WDR49: variants seen among roughly 807,000 people sequenced by gnomAD.
WDR49 encodes WD repeat domain 49.
A neutral mutation model predicts 119.5 loss-of-function variants in WDR49; 107 were observed. That is an observed-to-expected ratio of 0.90 (90% CI 0.77 to 1.05). The LOEUF (loss-of-function observed/expected upper bound fraction) is 1.05. Ranked by LOEUF, WDR49 falls within the 50% of genes least tolerant of loss-of-function variation. WDR49 has a pLI of 0.00. For synonymous variants in WDR49, 425 were observed against 418.8 expected (o/e 1.01, Z -0.18); for missense variants, 1,240 against 1,220.5 (o/e 1.02, Z -0.24).
At chr3:167,600,651 T>C (rs1715725860) in intron 7 of WDR49, among the ~76,000 whole-genome samples, 1 of 152,194 alleles carries the variant, frequency 6.6e-6, no homozygotes, top group African/African-American at 2.4e-5. Context: ...CAGTACAGTA[T>C]GATACCTGCT....
chr3:167,536,926 T>C lies in WDR49; in HGVS notation c.1898A>G (p.Gln633Arg). The stretch of plus-strand genomic sequence containing the variant: ...AGCACACAAGATGTCATCATGGTGC[T>C]GTATACCTCCTTTCCATTCTTCAGG... ...IQPEEWKGGI[Q>R]HHDDILCAAF... is the part of the protein sequence containing the mutation. Residue 633 changes from glutamine to arginine, a missense_variant, in exon 11 of 19, where the codon CAG (glutamine) becomes CGG (arginine). Gln to Arg is a conservative substitution (Grantham distance 43). Coordinates refer to ENST00000682715, the MANE Select transcript of WDR49 (RefSeq NM_001366157.1). 1 of 1,578,358 alleles carries C rather than the reference T, an allele frequency of 6.3e-7. No homozygotes were observed.
intron 9 of WDR49, among the ~76,000 whole-genome samples, chr3:167,557,129 A>G (rs1257300429): frequency 2.0e-5 from 3 of 152,092 alleles, no homozygotes; most frequent in Non-Finnish European, 4.4e-5. Context: ...CCTGAGAGGC[A>G]GCGGTTGCAG....
chr3:167,620,306 C>G (rs1202992413), intron 5 of WDR49, 123 bp downstream of exon 5: 2 of 1,011,170 alleles, frequency 2.0e-6, no homozygotes, highest in Admixed American at 3.4e-5. Flanking sequence ...CAGGCCACAA[C>G]CTCCAGAGAA....
At chr3:167,484,250 G>A (rs989521389) in intron 18 of WDR49, among the ~76,000 whole-genome samples, 2 of 152,042 alleles carry the variant, frequency 1.3e-5, no homozygotes, top group Non-Finnish European at 2.9e-5. Flanking sequence ...ATTATCTGGT[G>A]AGCCAGACTT....
At chr3:167,479,268 C>G (rs1269696205) in intron 18 of WDR49, among the ~76,000 whole-genome samples, 2 of 152,022 alleles carry the variant, frequency 1.3e-5, no homozygotes, top group African/African-American at 4.8e-5. Flanking sequence ...TATAGAAGTT[C>G]CTGTTTTCCA....
chr3:167,526,360 C>T (rs1368712263), intron 15 of WDR49, among the ~76,000 whole-genome samples: 1 of 152,140 alleles, frequency 6.6e-6, no homozygotes, highest in Admixed American at 6.6e-5. Flanking sequence ...GGTTCGACCC[C>T]GGATGTCTAA....
chr3:167,530,341 A>G (rs1752802727), intron 13 of WDR49, among the ~76,000 whole-genome samples: 1 of 152,108 alleles, frequency 6.6e-6, no homozygotes, highest in Non-Finnish European at 1.5e-5. Context: ...CCCTGAAGAT[A>G]CGATTGTTAT....
At chr3:167,530,715 T>C (rs1560270968) in intron 13 of WDR49, among the ~76,000 whole-genome samples, 1 of 152,160 alleles carries the variant, frequency 6.6e-6, no homozygotes, top group African/African-American at 2.4e-5. Flanking sequence ...GGTGCTCATA[T>C]AGTCAGTCTC....
chr3:167,654,642 T>A (rs1205156499), upstream of WDR49, among the ~76,000 whole-genome samples: 1 of 152,210 alleles, frequency 6.6e-6, no homozygotes, highest in South Asian at 2.1e-4. Context: ...ACGCCTGTAA[T>A]CCCTGCACTT....
At chr3:167,638,420 C>T (rs1717722714) in intron 2 of WDR49, among the ~76,000 whole-genome samples, 1 of 151,480 alleles carries the variant, frequency 6.6e-6, no homozygotes, top group Admixed American at 6.6e-5. Flanking sequence ...CAAAATGCAG[C>T]CTTTTCCCCT....
intron 8 of WDR49, among the ~76,000 whole-genome samples, chr3:167,573,420 ACACAC>A (rs1412463553): frequency 4.0e-5 from 6 of 149,810 alleles, no homozygotes; most frequent in African/African-American, 1.5e-4. Context: ...ACACACACAC[ACACAC>A]ACACAACACA....
At chr3:167,513,103 C>A (rs568054605) in intron 16 of WDR49, among the ~76,000 whole-genome samples, 41 of 152,210 alleles carry the variant, frequency 2.7e-4, no homozygotes, top group African/African-American at 8.4e-4. Flanking sequence ...ATCCAGAGAA[C>A]CCCAGTAAGA....
intron 2 of WDR49, among the ~76,000 whole-genome samples, chr3:167,642,049 G>A (rs1717907484): frequency 1.3e-5 from 2 of 151,876 alleles, no homozygotes; most frequent in South Asian, 4.1e-4. Flanking sequence ...GGAAGAAAAG[G>A]ATAGGGAAGA....
intron 5 of WDR49, among the ~76,000 whole-genome samples, chr3:167,615,639 T>C (rs1423771665): frequency 1.3e-5 from 2 of 152,034 alleles, no homozygotes; most frequent in East Asian, 1.9e-4. Context: ...AAGAAACTAA[T>C]AGGAATTATT....
At chr3:167,519,224 T>C (rs1159434440) in intron 16 of WDR49, among the ~76,000 whole-genome samples, 1 of 152,144 alleles carries the variant, frequency 6.6e-6, no homozygotes, top group Non-Finnish European at 1.5e-5. Context: ...TGGTGATTCC[T>C]CAAAGACCTA....
chr3:167,502,259 C>A (rs1751600209), intron 17 of WDR49, among the ~76,000 whole-genome samples: 1 of 152,180 alleles, frequency 6.6e-6, no homozygotes, highest in South Asian at 2.1e-4. Flanking sequence ...TGGTGCCATA[C>A]CTGAACAGCC....
chr3:167,566,863 T>C (rs1713634866), intron 8 of WDR49: 2 of 687,396 alleles, frequency 2.9e-6, no homozygotes, highest in Non-Finnish European at 5.3e-6. Flanking sequence ...ATCATAAGGG[T>C]CTTCATTCGT....
intron 2 of WDR49, among the ~76,000 whole-genome samples, chr3:167,647,366 G>A (rs1718175618): frequency 6.6e-6 from 1 of 152,200 alleles, no homozygotes; most frequent in Non-Finnish European, 1.5e-5. Context: ...TACACAGAGA[G>A]TTTGAAAAGG....
chr3:167,539,865 G>A lies in WDR49; in HGVS notation c.1824-2865C>T, dbSNP rs941563287. On this transcript the variant is annotated intron_variant, in intron 10 of 18. Coordinates refer to ENST00000682715, the MANE Select transcript of WDR49 (RefSeq NM_001366157.1). ...TTCTATTATAAAGTAAGTTCTAGAA[G>A]AGCAAATACTTTGTTTTTTTCCTTC... 2.0e-5 allele frequency among the ~76,000 whole-genome samples: 3 copies of A among 152,248 alleles called. No homozygotes were observed. The East Asian group carries it at 5.8e-4, about 29-fold the overall frequency.
Sources: allele counts gnomAD v4.1 joint callset (sites outside exome capture counted in the v4.1 genomes callset), GRCh38; gene constraint gnomAD v4.1.1; transcripts MANE v1.5; gene names NCBI Gene and HGNC (gene_info 2026-07-23, HGNC 2026-07-21).